SF1: variants seen among roughly 807,000 people sequenced by gnomAD.
SF1 encodes splicing factor 1.
A neutral mutation model predicts 62.5 loss-of-function variants in SF1; 7 were observed. That is an observed-to-expected ratio of 0.11 (90% CI 0.06 to 0.21). SF1 has a LOEUF of 0.21. Among genes scored for constraint, SF1 ranks in the 10% least tolerant of loss-of-function variants. The pLI is 1.00. For missense variants in SF1, 578 were observed against 884.0 expected (o/e 0.65, Z 4.39); for synonymous variants, 394 against 323.6 (o/e 1.22, Z -2.33).
At chr11:64,773,126 C>G in intron 3 of SF1, 1 of 1,192,648 alleles carries the variant, frequency 8.4e-7, no homozygotes, top group Non-Finnish European at 1.0e-6. Flanking sequence ...GGCAGGTTAA[C>G]GGGCCACCTC....
intron 3 of SF1, chr11:64,771,359 G>A: frequency 1.4e-6 from 1 of 704,110 alleles, no homozygotes; most frequent in Non-Finnish European, 1.7e-6. Context: ...AAGGACCATA[G>A]CTTGATATTC....
rs1447545224 is a variant in SF1, at chr11:64,778,308, C to G, written c.31+54G>C. On this transcript the variant is annotated intron_variant, in intron 1 of 12. Transcript: ENST00000377390. The stretch of plus-strand genomic sequence containing the variant: ...CCGGGTGCAGGCGGAGGGCCCGGCT[C>G]GAAGCCTCCTTTGGGCCCGGGGAGC... The G allele has an allele frequency of 4.1e-6, 5 of 1,221,876 alleles. No individual in the cohort carries two copies. In the East Asian group the frequency reaches 1.3e-4, roughly 32 times the overall value. 75.7% of individuals were successfully genotyped at this position (1,221,876 alleles called of 1,614,324 possible).
chr11:64,767,734 G>C lies in SF1; in HGVS notation c.1179C>G (p.Gly393=). ...GTAATGGGTGTGGGAAGCTGTGGGGGCCACCTCCGGGCCCACCAGGACCAC... is the reference window on the plus strand; with the variant it reads ...GTAATGGGTGTGGGAAGCTGTGGGGCCCACCTCCGGGCCCACCAGGACCAC... ...HGGGPGGPGG[G]PHSFPHPLPS... Residue 393 remains glycine (G), a synonymous_variant, in exon 10 of 13, where the codon GGC becomes GGG. Coordinates refer to ENST00000377390, the MANE Select transcript of SF1 (RefSeq NM_004630.4). 1.9e-6 allele frequency: 3 copies of C among 1,612,900 alleles called. No homozygotes were observed. The highest frequency in any genetic ancestry group is 2.5e-6 in the Non-Finnish European group (3 of 1,179,508).
At chr11:64,768,038 C>T (rs1937636145) in intron 9 of SF1, 68 bp downstream of exon 9, 1 of 1,525,530 alleles carries the variant, frequency 6.6e-7, no homozygotes, top group Non-Finnish European at 8.8e-7. Flanking sequence ...AACCACGTGG[C>T]CATAGCTCCC....
At chr11:64,769,362 T>C in intron 6 of SF1, 24 bp from the exon 7 acceptor site, 1 of 1,613,908 alleles carries the variant, frequency 6.2e-7, no homozygotes, top group Non-Finnish European at 8.5e-7. Flanking sequence ...AATGGACAGT[T>C]AAGTGCTTAG....
At chr11:64,777,664 C>G in intron 1 of SF1, 3 of 985,580 alleles carry the variant, frequency 3.0e-6, no homozygotes, top group Non-Finnish European at 3.6e-6. Flanking sequence ...GCGCTGAACA[C>G]CCGCCACCCC....
At chr11:64,777,903 A>AGCCGCCGTC (rs1038991163) in intron 1 of SF1, 5 of 946,492 alleles carry the variant, frequency 5.3e-6, no homozygotes, top group Non-Finnish European at 3.8e-6. Context: ...TGCCGCGTGC[A>AGCCGCCGTC]GCCGCCGTCG....
chr11:64,778,033 C>T, intron 1 of SF1: 1 of 1,009,384 alleles, frequency 9.9e-7, no homozygotes, highest in Non-Finnish European at 1.2e-6. Flanking sequence ...TACGCGGCGG[C>T]TGGGGTGGCG....
chr11:64,778,384 G>T lies in SF1; in HGVS notation c.9C>A (p.Thr3=). MA[T]GANATPLDFP... is the part of the protein sequence containing the mutation. ...TACCCAACGGCGTGGCGTTCGCTCCGGTCGCCATGGCGCCCCCGGGGACAG... is the reference window on the plus strand; with the variant it reads ...TACCCAACGGCGTGGCGTTCGCTCCTGTCGCCATGGCGCCCCCGGGGACAG... The change falls in exon 1 of 13, where the codon ACC becomes ACA. Residue 3 remains threonine, a synonymous_variant. Coordinates refer to ENST00000377390, the MANE Select transcript of SF1 (RefSeq NM_004630.4). 1 of 1,228,784 alleles carries T rather than the reference G, an allele frequency of 8.1e-7. No homozygotes were observed. Among genetic ancestry groups the T allele is most frequent in the Non-Finnish European group, 1.0e-6 (1 of 984,938 alleles). The allele number at this position is 1,228,784 out of a possible 1,614,324, so 76.1% of individuals were successfully genotyped here.
intron 1 of SF1, chr11:64,777,843 CGCCCAGGGGCGCCTCCGCCCGG>C: frequency 2.1e-6 from 2 of 949,094 alleles, no homozygotes; most frequent in African/African-American, 3.6e-5. Context: ...AGGCCGCGCG[CGCCCAGGGGCGCCTCCGCCCGG>C]GCCTCCCCGT....
rs1203724720 is a variant in SF1, at chr11:64,768,388, A to C, written c.888-102T>G. On this transcript the variant is annotated intron_variant, in intron 8 of 12. Coordinates refer to ENST00000377390, the MANE Select transcript of SF1 (RefSeq NM_004630.4). ...ACATATGGAAAGTTCTGAAGAATTC[A>C]ATCACCAGATCATCACACATCTTTC... 6 of 1,033,542 alleles carry C rather than the reference A, an allele frequency of 5.8e-6. No individual in the cohort carries two copies. The East Asian group carries it at 1.5e-4, about 25-fold the overall frequency. The allele number at this position is 1,033,542 out of a possible 1,614,324, so 64.0% of individuals were successfully genotyped here. A position where few individuals can be genotyped will look rare whatever the true frequency, so the allele number is the denominator to read the frequency against.
rs1168300948 is a variant in SF1, at chr11:64,765,679, G to GTGCGTGCACACACACACA, written c.*121_*138dup. Reference sequence around the variant, plus strand: ...ATCCTCAGTCGCTTGGCCCAGCCCAGTGCGTGCACACACACACATGCGTGC... The same window carrying GTGCGTGCACACACACACA: ...ATCCTCAGTCGCTTGGCCCAGCCCAGTGCGTGCACACACACACATGCGTGCACACACACACATGCGTGC... On this transcript the variant is annotated 3_prime_UTR_variant, in exon 13 of 13. Transcript: ENST00000377390. The GTGCGTGCACACACACACA allele has an allele frequency of 1.4e-5, 21 of 1,471,370 alleles. No individual in the cohort carries two copies. Among genetic ancestry groups the GTGCGTGCACACACACACA allele is most frequent in the South Asian group, 2.8e-5 (2 of 70,520 alleles). The allele number at this position is 1,471,370 out of a possible 1,614,324, so 91.1% of individuals were successfully genotyped here.
intron 2 of SF1, 159 bp downstream of exon 2, chr11:64,776,339 G>A: frequency 1.4e-6 from 1 of 729,038 alleles, no homozygotes; most frequent in Non-Finnish European, 2.4e-6. Flanking sequence ...TGCAAATGCA[G>A]AACTCACTGG....
chr11:64,765,973 G>A lies in SF1; in HGVS notation c.1765C>T (p.Pro589Ser). The A allele has an allele frequency of 1.9e-6, 3 of 1,597,860 alleles. No homozygotes were observed. The highest frequency in any genetic ancestry group is 2.6e-6 in the Non-Finnish European group (3 of 1,172,356). ...PGAPPPPPPPPPGSAGMMYAP... is the reference protein window; with the variant it reads ...PGAPPPPPPPSPGSAGMMYAP... ...TACATCATGCCGGCGGAACCAGGCG[G>A]TGGAGGCGGCGGAGGGGGAGGGGCC... is the stretch of plus-strand genomic sequence containing the variant. The change falls in exon 13 of 13, where the codon CCG (proline) becomes TCG (serine). Residue 589 changes from proline (P) to serine (S), a missense_variant. Pro to Ser is a moderately conservative substitution (Grantham distance 74, BLOSUM62 -1). Coordinates refer to ENST00000377390, the MANE Select transcript of SF1 (RefSeq NM_004630.4).
chr11:64,774,567 G>A (rs1341271440), intron 2 of SF1, among the ~76,000 whole-genome samples: 2 of 152,156 alleles, frequency 1.3e-5, no homozygotes, highest in African/African-American at 2.4e-5. Context: ...GGATTAATGC[G>A]TGTCTAACCA....
intron 12 of SF1, 104 bp from the exon 13 acceptor site, chr11:64,766,259 GCAT>G: frequency 8.0e-6 from 5 of 623,938 alleles, no homozygotes; most frequent in South Asian, 3.7e-5. Flanking sequence ...TCCTTGCTTG[GCAT>G]GCGGTACGGT....
At chr11:64,772,640 C>T (rs1938514746) in intron 3 of SF1, 2 of 985,316 alleles carry the variant, frequency 2.0e-6, no homozygotes, top group Non-Finnish European at 2.4e-6. Context: ...GAGAGACTTA[C>T]TGCCCTTCTA....
At chr11:64,777,869 TCCCCGTGCGCGCACGCGCG>T (rs1183830243) in intron 1 of SF1, 1 of 928,386 alleles carries the variant, frequency 1.1e-6, no homozygotes, top group East Asian at 1.2e-4. Flanking sequence ...CGCCCGGGCC[TCCCCGTGCGCGCACGCGCG>T]CCCCTGCCGC....
In SF1 at chr11:64,764,635, A is replaced by G. The variant is rs2058515740; in HGVS notation, c.*1183T>C. The G allele has an allele frequency of 6.6e-6, 1 of 152,624 alleles. No individual in the cohort carries two copies. The highest frequency in any genetic ancestry group is 1.5e-5 in the Non-Finnish European group (1 of 68,064). The allele number at this position is 152,624 out of a possible 1,614,324, so 9.5% of individuals were successfully genotyped here. A position where few individuals can be genotyped will look rare whatever the true frequency, so the allele number is the denominator to read the frequency against. Reference sequence around the variant, plus strand: ...GAAAACCACACTGCTCTTTTATTCAATGGAACATCCCCGCTTTAGCGCAGT... The same window carrying G: ...GAAAACCACACTGCTCTTTTATTCAGTGGAACATCCCCGCTTTAGCGCAGT... On this transcript the variant is annotated 3_prime_UTR_variant, in exon 13 of 13. Coordinates refer to ENST00000377390, the MANE Select transcript of SF1 (RefSeq NM_004630.4).
Sources: gnomAD v4.1 joint callset for allele counts (sites outside exome capture counted in the v4.1 genomes callset) on GRCh38, gnomAD v4.1.1 for gene constraint, MANE v1.5 for transcripts, NCBI Gene and HGNC (gene_info 2026-07-23, HGNC 2026-07-21) for gene names.